ERC2: variants seen among roughly 807,000 people sequenced by gnomAD.
ERC2 encodes the protein ERC protein 2.
In ERC2, 42 loss-of-function variants were observed where a neutral mutation model predicts 114.8. The ratio of observed to expected loss-of-function variants is 0.37; its 90% CI spans 0.29 to 0.47. The LOEUF (loss-of-function observed/expected upper bound fraction) is 0.47. Ranked by LOEUF, ERC2 falls within the 20% of genes least tolerant of loss-of-function variation. The pLI, the probability that ERC2 is intolerant of heterozygous loss-of-function variation, is 0.99. For missense variants in ERC2, 939 were observed against 1,150.7 expected, an observed-to-expected ratio of 0.82 and a Z score of 2.66; for synonymous variants, 454 against 425.5, an observed-to-expected ratio of 1.07 and a Z score of -0.82.
intron 2 of ERC2, among the ~76,000 whole-genome samples, chr3:56,321,153 A>T (rs866711595): frequency 2.0e-5 from 3 of 152,196 alleles, no homozygotes; most frequent in African/African-American, 7.2e-5. Flanking sequence ...CATGTAAGAC[A>T]GGAGGCAGGT....
chr3:56,389,577 T>C (rs1165382305), intron 2 of ERC2, among the ~76,000 whole-genome samples: 1 of 152,212 alleles, frequency 6.6e-6, no homozygotes, highest in Non-Finnish European at 1.5e-5. Context: ...GGAGTTGTGC[T>C]GCAGAACCAG....
At chr3:56,162,232 C>G (rs901608278) in intron 4 of ERC2, among the ~76,000 whole-genome samples, 2 of 152,182 alleles carry the variant, frequency 1.3e-5, no homozygotes, top group East Asian at 1.9e-4. Context: ...AAAAATGAAG[C>G]CTACTTGATT....
chr3:55,725,756 C>T (rs939326539), intron 15 of ERC2, among the ~76,000 whole-genome samples: 4 of 152,210 alleles, frequency 2.6e-5, no homozygotes, highest in Non-Finnish European at 5.9e-5. Flanking sequence ...CAGCTTGATG[C>T]TCTGGGAAGA....
intron 2 of ERC2, among the ~76,000 whole-genome samples, chr3:56,429,084 T>G (rs1275936827): frequency 2.0e-5 from 3 of 152,228 alleles, no homozygotes; most frequent in Admixed American, 2.0e-4. Flanking sequence ...GTAACTCTTA[T>G]GTACCAAACT....
chr3:55,562,825 T>C (rs866835252), intron 17 of ERC2, among the ~76,000 whole-genome samples: 26 of 152,082 alleles, frequency 1.7e-4, no homozygotes, highest in African/African-American at 5.3e-4. Context: ...TTTTTGTTGT[T>C]GTTTAAAAAA....
chr3:56,118,328 C>T (rs549513986), intron 6 of ERC2, among the ~76,000 whole-genome samples: 1 of 152,208 alleles, frequency 6.6e-6, no homozygotes, highest in South Asian at 2.1e-4. Context: ...GGAGATGACA[C>T]GCAAATCTCC....
chr3:55,749,763 C>T (rs558566478), intron 14 of ERC2, among the ~76,000 whole-genome samples: 22 of 152,270 alleles, frequency 1.4e-4, no homozygotes, highest in Non-Finnish European at 2.8e-4. Flanking sequence ...CACTTGGGTC[C>T]CCTTCCACGC....
At chr3:55,583,059 T>C (rs912889572) in intron 17 of ERC2, among the ~76,000 whole-genome samples, 11 of 152,334 alleles carry the variant, frequency 7.2e-5, no homozygotes, top group Admixed American at 7.2e-4. Flanking sequence ...ACATAGTAAG[T>C]ACTAATTAGT....
intron 2 of ERC2, among the ~76,000 whole-genome samples, chr3:56,310,213 C>T (rs1400172757): frequency 6.6e-6 from 1 of 152,140 alleles, no homozygotes; most frequent in East Asian, 1.9e-4. Flanking sequence ...AAAAAAACTA[C>T]AGTTTAAGAA....
At chr3:56,181,524 T>G (rs1301194576) in intron 3 of ERC2, among the ~76,000 whole-genome samples, 1 of 152,192 alleles carries the variant, frequency 6.6e-6, no homozygotes, top group African/African-American at 2.4e-5. Context: ...TGTCAACCCT[T>G]GGTCTAGGAT....
At chr3:55,920,983 G>A (rs771360358) in intron 13 of ERC2, among the ~76,000 whole-genome samples, 11 of 152,114 alleles carry the variant, frequency 7.2e-5, no homozygotes, top group Non-Finnish European at 1.3e-4. Flanking sequence ...TAAGTTTGAT[G>A]GCAGAGACTG....
At chr3:56,051,932 A>G (rs2075791575) in intron 7 of ERC2, among the ~76,000 whole-genome samples, 1 of 152,092 alleles carries the variant, frequency 6.6e-6, no homozygotes, top group Admixed American at 6.6e-5. Flanking sequence ...AGATGTAGAA[A>G]ATAGCAACTC....
intron 4 of ERC2, among the ~76,000 whole-genome samples, chr3:56,167,207 G>A: frequency 6.6e-6 from 1 of 152,024 alleles, no homozygotes; most frequent in Admixed American, 6.6e-5. Context: ...CCCTTCTTAA[G>A]TCACTTTATA....
intron 3 of ERC2, among the ~76,000 whole-genome samples, chr3:56,288,743 T>G (rs543160521): frequency 1.2e-4 from 18 of 152,246 alleles, no homozygotes; most frequent in Non-Finnish European, 2.5e-4. Flanking sequence ...CCATCCTGCA[T>G]GGAGTACTCG....
intron 17 of ERC2, among the ~76,000 whole-genome samples, chr3:55,563,863 G>C (rs1559660226): frequency 6.6e-6 from 1 of 152,192 alleles, no homozygotes; most frequent in Non-Finnish European, 1.5e-5. Context: ...AGTAACATTA[G>C]CCAATAAATA....
chr3:55,795,600 C>A (rs2070409760), intron 14 of ERC2, among the ~76,000 whole-genome samples: 1 of 152,202 alleles, frequency 6.6e-6, no homozygotes, highest in Admixed American at 6.5e-5. Flanking sequence ...GCCTTTCACT[C>A]CCGACAGGTC....
chr3:55,827,794 C>T (rs1051710327), intron 14 of ERC2, among the ~76,000 whole-genome samples: 1 of 152,176 alleles, frequency 6.6e-6, no homozygotes, highest in African/African-American at 2.4e-5. Context: ...GGACTTAAGC[C>T]TTCAAAAATG....
chr3:55,994,964 A>G (rs1188412160), intron 10 of ERC2, among the ~76,000 whole-genome samples: 1 of 152,372 alleles, frequency 6.6e-6, no homozygotes, highest in Admixed American at 6.5e-5. Context: ...AATGAAGACC[A>G]GAGCCAAGTT....
At chr3:56,345,174 C>G (rs2058256252) in intron 2 of ERC2, among the ~76,000 whole-genome samples, 1 of 152,254 alleles carries the variant, frequency 6.6e-6, no homozygotes, top group South Asian at 2.1e-4. Flanking sequence ...CATAGCTGAC[C>G]CAGACCAGAC....
Sources: gnomAD v4.1 joint callset for allele counts (sites outside exome capture counted in the v4.1 genomes callset) on GRCh38, gnomAD v4.1.1 for gene constraint, MANE v1.5 for transcripts, NCBI Gene and HGNC (gene_info 2026-07-23, HGNC 2026-07-21) for gene names.